ANK2: variants seen among roughly 807,000 people sequenced by gnomAD.
ANK2 encodes the protein ankyrin 2.
ANK2 carries 83 observed loss-of-function variants against 360.5 expected under a neutral mutation model. The observed-to-expected ratio is 0.23, with a 90% CI of 0.19 to 0.28. The LOEUF (loss-of-function observed/expected upper bound fraction) is 0.28, where lower values mean the gene tolerates loss of function less well. Ranked by LOEUF, ANK2 falls within the 10% of genes least tolerant of loss-of-function variation. ANK2 has a pLI of 1.00. For synonymous variants in ANK2, 1,740 were observed against 1,759.5 expected, an observed-to-expected ratio of 0.99 and a Z score of 0.28; for missense variants, 4,201 against 4,795.7, an observed-to-expected ratio of 0.88 and a Z score of 3.66.
chr4:112,960,523 A>G (rs1297560091), intron 2 of ANK2, among the ~76,000 whole-genome samples: 1 of 152,162 alleles, frequency 6.6e-6, no homozygotes, highest in Non-Finnish European at 1.5e-5. Context: ...TGTTTTAAAG[A>G]ATCAGAACAA....
chr4:113,053,311 A>G (rs1033008922), intron 1 of ANK2, among the ~76,000 whole-genome samples: 9 of 152,214 alleles, frequency 5.9e-5, no homozygotes, highest in African/African-American at 2.2e-4. Flanking sequence ...GTACCCAAAG[A>G]AAATAAATTG....
chr4:113,196,530 AT>A, intron 3 of ANK2, 64 bp downstream of exon 3: 1 of 1,342,590 alleles, frequency 7.4e-7, no homozygotes, highest in Non-Finnish European at 1.0e-6. Context: ...AAAGCTTTTC[AT>A]TTTTATTTAT....
chr4:113,334,441 T>C (rs73841959), intron 29 of ANK2, among the ~76,000 whole-genome samples: 4,395 of 152,168 alleles, frequency 0.029, 193 homozygotes, highest in African/African-American at 0.092. Flanking sequence ...CAGTGAGCAT[T>C]GGTATCTTGC....
intron 41 of ANK2, among the ~76,000 whole-genome samples, chr4:113,366,637 A>G (rs2096549150): frequency 6.6e-6 from 1 of 151,834 alleles, no homozygotes; most frequent in African/African-American, 2.4e-5. Context: ...CCACCCTAGC[A>G]TGTTCTTTCC....
intron 2 of ANK2, among the ~76,000 whole-genome samples, chr4:113,042,940 G>C (rs1002606472): frequency 6.6e-6 from 1 of 152,070 alleles, no homozygotes; most frequent in Non-Finnish European, 1.5e-5. Context: ...CCTACAGAGG[G>C]TGTTACTGTA....
intron 1 of ANK2, among the ~76,000 whole-genome samples, chr4:112,830,977 G>C (rs1356399468): frequency 6.6e-6 from 1 of 152,200 alleles, no homozygotes; most frequent in Non-Finnish European, 1.5e-5. Flanking sequence ...GGTGCCCCGG[G>C]TCCCCCAGCA....
chr4:112,970,834 A>T (rs560407116), intron 2 of ANK2, among the ~76,000 whole-genome samples: 1 of 152,024 alleles, frequency 6.6e-6, no homozygotes, highest in East Asian at 1.9e-4. Context: ...AATCAGGAAA[A>T]TAGTAGATTT....
chr4:113,064,788 TAGAA>T lies in ANK2; in HGVS notation c.84+14979_84+14982del, dbSNP rs1355187455. Among the ~76,000 whole-genome samples the T allele has an allele frequency of 6.8e-5, 8 of 118,316 alleles. No individual in the cohort carries two copies. In the East Asian group the frequency reaches 1.5e-3, roughly 22 times the overall value. The allele number at this position is 118,316 out of a possible 152,430, so 77.6% of individuals were successfully genotyped here. A position where few individuals can be genotyped will look rare whatever the true frequency, so the allele number is the denominator to read the frequency against. On this transcript the variant is annotated intron_variant, in intron 1 of 45. Transcript: ENST00000357077. ...TCTGTAGAACTTCTAACAAAAATGT[TAGAA>T]AGTTCTGTAGAACTTCTAACAAAAA...
intron 17 of ANK2, among the ~76,000 whole-genome samples, chr4:113,279,267 A>T (rs1466125112): frequency 6.6e-6 from 1 of 152,196 alleles, no homozygotes; most frequent in Non-Finnish European, 1.5e-5. Context: ...AAAAATATTG[A>T]TTGTAATGGG....
intron 22 of ANK2, among the ~76,000 whole-genome samples, chr4:113,298,637 C>T (rs1188192128): frequency 6.6e-6 from 1 of 152,186 alleles, no homozygotes; most frequent in African/African-American, 2.4e-5. Flanking sequence ...CTATTATATA[C>T]CATTTCTTTT....
chr4:112,891,639 G>A (rs1404543479), intron 1 of ANK2, among the ~76,000 whole-genome samples: 1 of 152,034 alleles, frequency 6.6e-6, no homozygotes, highest in Non-Finnish European at 1.5e-5. Context: ...TTGTCAAACT[G>A]CCTCACCACT....
chr4:112,998,032 G>T (rs375819843), intron 2 of ANK2, among the ~76,000 whole-genome samples: 1 of 151,674 alleles, frequency 6.6e-6, no homozygotes, highest in Non-Finnish European at 1.5e-5. Context: ...TGAGCATGTG[G>T]TCCTAAATGA....
At chr4:113,125,735 T>C (rs2095626200) in intron 1 of ANK2, among the ~76,000 whole-genome samples, 3 of 152,170 alleles carry the variant, frequency 2.0e-5, no homozygotes, top group African/African-American at 7.2e-5. Flanking sequence ...TTTTTCTTCA[T>C]TTAAGATAAA....
At chr4:113,035,715 G>T (rs937101958) in intron 2 of ANK2, among the ~76,000 whole-genome samples, 2 of 151,536 alleles carry the variant, frequency 1.3e-5, no homozygotes, top group Non-Finnish European at 2.9e-5. Flanking sequence ...AAAACATGAA[G>T]GCAGGGAGAT....
Position 113,233,104 on chromosome 4 carries a change from CTGTTTTTTTTTTT to C in ANK2, c.483+847_483+859del, listed in dbSNP as rs2099331086. On this transcript the variant is annotated intron_variant, in intron 5 of 45. Coordinates refer to ENST00000357077, the MANE Select transcript of ANK2 (RefSeq NM_001148.6). Reference sequence around the variant, plus strand: ...ACCAGAGTATATGGGCTTGGCTTTTCTGTTTTTTTTTTTTTTTTTTTTTTTTTTTTTTTTTTTT... The same window carrying C: ...ACCAGAGTATATGGGCTTGGCTTTTCTTTTTTTTTTTTTTTTTTTTTTTTT... Among the ~76,000 whole-genome samples, 29 of 29,304 alleles carry C rather than the reference CTGTTTTTTTTTTT, an allele frequency of 9.9e-4. 7 individuals are homozygous for C. The highest frequency in any genetic ancestry group is 6.0e-3 in the Admixed American group (16 of 2,674). 19.2% of individuals were successfully genotyped at this position (29,304 alleles called of 152,430 possible).
chr4:113,243,544 C>T (rs1334343540), intron 9 of ANK2, among the ~76,000 whole-genome samples: 2 of 152,118 alleles, frequency 1.3e-5, no homozygotes, highest in Non-Finnish European at 2.9e-5. Flanking sequence ...GAGAGGTTTG[C>T]GTTCTGTCAA....
chr4:112,754,615 GGCCCA>G, the ANK2 span, among the ~76,000 whole-genome samples: 2 of 151,792 alleles, frequency 1.3e-5, no homozygotes, highest in Non-Finnish European at 2.9e-5. Context: ...CAAAAAACAG[GGCCCA>G]CTGAGCCTGC....
chr4:112,861,922 A>C (rs2068221297), intron 1 of ANK2, among the ~76,000 whole-genome samples: 2 of 151,642 alleles, frequency 1.3e-5, no homozygotes, highest in Non-Finnish European at 2.9e-5. Context: ...TTAACTAAGA[A>C]GACTTTTCCT....
chr4:112,830,836 G>A (rs74191891), intron 1 of ANK2, among the ~76,000 whole-genome samples: 63 of 152,198 alleles, frequency 4.1e-4, no homozygotes, highest in African/African-American at 1.5e-3. Context: ...CCGGGGCTGT[G>A]CATGGCACTC....
Sources: allele counts gnomAD v4.1 joint callset (sites outside exome capture counted in the v4.1 genomes callset), GRCh38; gene constraint gnomAD v4.1.1; transcripts MANE v1.5; gene names NCBI Gene and HGNC (gene_info 2026-07-23, HGNC 2026-07-21).